RORA: variants seen among roughly 807,000 people sequenced by gnomAD.
The protein encoded by RORA is nuclear receptor ROR-alpha.
A neutral mutation model predicts 69.5 loss-of-function variants in RORA; 7 were observed. The observed-to-expected ratio is 0.10, with a 90% CI of 0.06 to 0.19. The LOEUF is 0.19. Ranked by LOEUF, RORA falls within the 10% of genes least tolerant of loss-of-function variation. RORA has a pLI of 1.00. For missense variants in RORA, 457 were observed against 663.0 expected (o/e 0.69, Z 3.41); for synonymous variants, 261 against 240.8 (o/e 1.08, Z -0.78).
intron 1 of RORA, among the ~76,000 whole-genome samples, chr15:61,069,307 TAAAA>T (rs1372614839): frequency 6.6e-6 from 1 of 152,218 alleles, no homozygotes; most frequent in Non-Finnish European, 1.5e-5. Context: ...GCCATTTCTT[TAAAA>T]ACGATGACAG....
intron 1 of RORA, among the ~76,000 whole-genome samples, chr15:60,952,153 T>G (rs1893127713): frequency 6.6e-6 from 1 of 150,700 alleles, no homozygotes; most frequent in Admixed American, 6.6e-5. Flanking sequence ...AATCAATAAA[T>G]GTAATCCAGC....
chr15:61,093,483 C>T (rs9806764), intron 1 of RORA, among the ~76,000 whole-genome samples: 55,230 of 151,744 alleles, frequency 0.36, 10,286 homozygotes, highest in African/African-American at 0.42. Flanking sequence ...AACAATGCTG[C>T]GGCTACAGAG....
At chr15:61,150,377 C>T (rs895777042) in intron 1 of RORA, among the ~76,000 whole-genome samples, 4 of 152,044 alleles carry the variant, frequency 2.6e-5, no homozygotes, top group African/African-American at 9.7e-5. Context: ...TTTGCACACA[C>T]ATGAACATTC....
intron 1 of RORA, among the ~76,000 whole-genome samples, chr15:61,228,731 G>A (rs1418984497): frequency 6.6e-6 from 1 of 152,006 alleles, no homozygotes; most frequent in Non-Finnish European, 1.5e-5. Context: ...TTTTGGGGGA[G>A]CGTATTTAAT....
chr15:60,733,725 G>A (rs1004201468), intron 1 of RORA, among the ~76,000 whole-genome samples: 1 of 152,124 alleles, frequency 6.6e-6, no homozygotes, highest in African/African-American at 2.4e-5. Context: ...CCATCAGAAG[G>A]AGGTATGATA....
intron 2 of RORA, among the ~76,000 whole-genome samples, chr15:60,642,225 C>T (rs1286308103): frequency 1.3e-5 from 2 of 151,304 alleles, no homozygotes; most frequent in African/African-American, 2.4e-5. Flanking sequence ...AAGTAGAAAC[C>T]AAGTGAGGAG....
chr15:60,506,000 T>C (rs2065488481), intron 5 of RORA, among the ~76,000 whole-genome samples: 1 of 152,230 alleles, frequency 6.6e-6, no homozygotes, highest in Non-Finnish European at 1.5e-5. Context: ...CCACATAACA[T>C]TGACCTGGGA....
chr15:61,009,603 GA>G (rs1895026936), intron 1 of RORA, among the ~76,000 whole-genome samples: 1 of 152,206 alleles, frequency 6.6e-6, no homozygotes, highest in African/African-American at 2.4e-5. Context: ...ACAACAGTGA[GA>G]AATGGAAACA....
At chr15:61,199,049 T>C (rs990177260) in intron 1 of RORA, among the ~76,000 whole-genome samples, 1 of 152,176 alleles carries the variant, frequency 6.6e-6, no homozygotes. Context: ...ATTCTAAAAC[T>C]GCCTTCTCTG....
At chr15:60,857,118 C>T (rs555797532) in intron 1 of RORA, among the ~76,000 whole-genome samples, 1 of 152,230 alleles carries the variant, frequency 6.6e-6, no homozygotes, top group South Asian at 2.1e-4. Context: ...CCTATAAGGA[C>T]CTTGCAGGCT....
intron 1 of RORA, among the ~76,000 whole-genome samples, chr15:60,869,255 G>C (rs912093766): frequency 6.6e-6 from 1 of 152,142 alleles, no homozygotes; most frequent in Non-Finnish European, 1.5e-5. Context: ...TGAATTAATA[G>C]GTAGGACCTT....
At chr15:61,192,771 C>G (rs140367669) in intron 1 of RORA, among the ~76,000 whole-genome samples, 2 of 152,324 alleles carry the variant, frequency 1.3e-5, no homozygotes, top group Admixed American at 1.3e-4. Flanking sequence ...TTGAGTTCAC[C>G]TCCCAGCTCT....
chr15:60,821,190 G>A lies in RORA; in HGVS notation c.167-142504C>T, dbSNP rs144310110. ...CCATCTTCCACTGGAGATGCCTCCA[G>A]TGCCTCCAGGTTCACTGATCATTGG... On this transcript the variant is annotated intron_variant, in intron 1 of 10. Coordinates refer to ENST00000335670, the MANE Select transcript of RORA (RefSeq NM_134261.3). Among the ~76,000 whole-genome samples the A allele has an allele frequency of 2.2e-4, 33 of 152,292 alleles. No homozygotes were observed. In the East Asian group the frequency reaches 5.4e-3, roughly 25 times the overall value.
At chr15:60,611,559 CAAA>C (rs533598270) in intron 2 of RORA, among the ~76,000 whole-genome samples, 151 of 35,776 alleles carry the variant, frequency 4.2e-3, no homozygotes, top group African/African-American at 0.013. Flanking sequence ...TTGAGTTTTG[CAAA>C]AAAAAAAAAA....
At chr15:61,177,500 T>G (rs116966063) in intron 1 of RORA, among the ~76,000 whole-genome samples, 1 of 152,194 alleles carries the variant, frequency 6.6e-6, no homozygotes, top group African/African-American at 2.4e-5. Context: ...TTTACAACGA[T>G]GTGAAAAATA....
At chr15:61,174,542 A>T (rs1458055907) in intron 1 of RORA, among the ~76,000 whole-genome samples, 1 of 152,246 alleles carries the variant, frequency 6.6e-6, no homozygotes. Flanking sequence ...AATAATGCAC[A>T]GATGTTTCTC....
intron 1 of RORA, among the ~76,000 whole-genome samples, chr15:60,876,674 T>TC (rs1442105266): frequency 6.6e-6 from 1 of 152,196 alleles, no homozygotes; most frequent in Admixed American, 6.5e-5. Flanking sequence ...CAGGTAATTT[T>TC]CAAAGAGAAA....
At chr15:60,738,741 C>T (rs1567174328) in intron 1 of RORA, among the ~76,000 whole-genome samples, 1 of 152,250 alleles carries the variant, frequency 6.6e-6, no homozygotes, top group Non-Finnish European at 1.5e-5. Context: ...GTTCCACTCA[C>T]TGGTGGCTTA....
At chr15:60,914,885 A>C (rs1188404952) in intron 1 of RORA, among the ~76,000 whole-genome samples, 1 of 152,190 alleles carries the variant, frequency 6.6e-6, no homozygotes, top group East Asian at 1.9e-4. Context: ...ATCCAGGAAG[A>C]AGCTTTGGTG....
Sources: gnomAD v4.1 joint callset for allele counts (sites outside exome capture counted in the v4.1 genomes callset) on GRCh38, gnomAD v4.1.1 for gene constraint, MANE v1.5 for transcripts, NCBI Gene and HGNC (gene_info 2026-07-23, HGNC 2026-07-21) for gene names.